Variants in GABBR2 observed in about 807,000 individuals in gnomAD.
The protein encoded by GABBR2 is gamma-aminobutyric acid type B receptor subunit 2, also known as G-protein coupled receptor 51.
GABBR2 carries 23 observed loss-of-function variants against 105.6 expected under a neutral mutation model. The observed-to-expected ratio is 0.22, with a 90% confidence interval of 0.16 to 0.31. The LOEUF is 0.31. GABBR2 is among the 10% of genes least tolerant of loss of function. The pLI is 1.00. For missense variants in GABBR2, 734 were observed against 1,245.5 expected (o/e 0.59, Z 6.18); for synonymous variants, 478 against 499.7 (o/e 0.96, Z 0.58).
At chr9:98,445,813 G>A (rs913461218) in intron 7 of GABBR2, among the ~76,000 whole-genome samples, 3 of 152,214 alleles carry the variant, frequency 2.0e-5, no homozygotes, top group African/African-American at 7.2e-5. Context: ...CAGCAGCTGG[G>A]GGATAAGCAA....
chr9:98,398,487 A>G (rs372991916), intron 8 of GABBR2, among the ~76,000 whole-genome samples: 10 of 152,054 alleles, frequency 6.6e-5, no homozygotes, highest in East Asian at 3.9e-4. Context: ...TGTAGCCCCA[A>G]ACTCCTGTTC....
intron 1 of GABBR2, among the ~76,000 whole-genome samples, chr9:98,588,781 A>G (rs1265218143): frequency 6.6e-6 from 1 of 152,150 alleles, no homozygotes; most frequent in Non-Finnish European, 1.5e-5. Context: ...GTTTTGGGCA[A>G]TGGAATATGA....
intron 4 of GABBR2, among the ~76,000 whole-genome samples, chr9:98,481,884 A>T (rs932315616): frequency 9.2e-5 from 14 of 152,232 alleles, no homozygotes; most frequent in Non-Finnish European, 1.8e-4. Context: ...TCATTCATTC[A>T]TTCAACAGAC....
At chr9:98,373,851 CTTTTTTTTTT>C (rs577915397) in intron 11 of GABBR2, among the ~76,000 whole-genome samples, 4 of 86,692 alleles carry the variant, frequency 4.6e-5, no homozygotes, top group Admixed American at 1.4e-4. Flanking sequence ...CAAAGCATTC[CTTTTTTTTTT>C]TTTTTTTTTT....
At chr9:98,373,223 C>T (rs1465031330) in intron 11 of GABBR2, among the ~76,000 whole-genome samples, 1 of 152,202 alleles carries the variant, frequency 6.6e-6, no homozygotes, top group Non-Finnish European at 1.5e-5. Context: ...TTCATTCACT[C>T]ATTCGTTTGT....
intron 12 of GABBR2, among the ~76,000 whole-genome samples, chr9:98,368,735 G>A (rs77444527): frequency 6.6e-6 from 1 of 152,188 alleles, no homozygotes. Context: ...TCCAAACCAG[G>A]ATGGAGTTGT....
At chr9:98,311,066 C>A in intron 14 of GABBR2, 29 bp downstream of exon 14, 3 of 1,272,894 alleles carry the variant, frequency 2.4e-6, no homozygotes, top group South Asian at 1.2e-5. Flanking sequence ...AGTGTCCCCC[C>A]TCAACACTGT....
chr9:98,510,411 CA>C (rs2131695084), intron 3 of GABBR2, among the ~76,000 whole-genome samples: 1 of 152,290 alleles, frequency 6.6e-6, no homozygotes, highest in Non-Finnish European at 1.5e-5. Flanking sequence ...ATCAAATTCA[CA>C]CATAACAATA....
chr9:98,347,880 C>A (rs1410521744), intron 13 of GABBR2, among the ~76,000 whole-genome samples: 1 of 152,138 alleles, frequency 6.6e-6, no homozygotes, highest in Non-Finnish European at 1.5e-5. Context: ...GGCAATTTCC[C>A]CCATACTATT....
intron 5 of GABBR2, among the ~76,000 whole-genome samples, chr9:98,474,938 T>G (rs112880390): frequency 6.6e-6 from 1 of 152,096 alleles, no homozygotes; most frequent in Non-Finnish European, 1.5e-5. Context: ...GAGCAGCTCA[T>G]TGGGGTACAT....
chr9:98,399,170 A>C (rs762841792), intron 8 of GABBR2, among the ~76,000 whole-genome samples: 2 of 152,094 alleles, frequency 1.3e-5, no homozygotes, highest in Non-Finnish European at 2.9e-5. Flanking sequence ...CCTGGCCAAC[A>C]TGGTGAAACC....
At chr9:98,595,622 T>C (rs1829224018) in intron 1 of GABBR2, among the ~76,000 whole-genome samples, 1 of 150,166 alleles carries the variant, frequency 6.7e-6, no homozygotes, top group Non-Finnish European at 1.5e-5. Context: ...TTTTGTTCTC[T>C]GCCAGGTCAG....
chr9:98,612,043 G>A (rs1257173463), intron 1 of GABBR2, among the ~76,000 whole-genome samples: 3 of 152,270 alleles, frequency 2.0e-5, no homozygotes, highest in Non-Finnish European at 4.4e-5. Context: ...CCCAGGAAGA[G>A]AGAAGGGACC....
At chr9:98,414,633 C>T (rs763769692) in intron 7 of GABBR2, among the ~76,000 whole-genome samples, 7 of 152,172 alleles carry the variant, frequency 4.6e-5, no homozygotes, top group Non-Finnish European at 1.0e-4. Context: ...TTGTGCCAGT[C>T]GCTGGCTAGC....
intron 7 of GABBR2, among the ~76,000 whole-genome samples, chr9:98,414,042 TCAAA>T (rs1322689734): frequency 6.6e-6 from 1 of 152,086 alleles, no homozygotes; most frequent in Non-Finnish European, 1.5e-5. Flanking sequence ...AGGCACCAGA[TCAAA>T]CAGTGAGCAA....
At chr9:98,333,523 C>T (rs1376755375) in intron 13 of GABBR2, among the ~76,000 whole-genome samples, 1 of 152,152 alleles carries the variant, frequency 6.6e-6, no homozygotes, top group African/African-American at 2.4e-5. Context: ...ATCATTCTGC[C>T]TCCATCTCCG....
chr9:98,426,214 G>A (rs1206306212), intron 7 of GABBR2, among the ~76,000 whole-genome samples: 1 of 152,208 alleles, frequency 6.6e-6, no homozygotes, highest in Non-Finnish European at 1.5e-5. Context: ...TAGGCAAAGA[G>A]AACATCATGT....
intron 3 of GABBR2, among the ~76,000 whole-genome samples, chr9:98,518,246 T>C (rs1217677220): frequency 6.6e-6 from 1 of 152,208 alleles, no homozygotes; most frequent in African/African-American, 2.4e-5. Context: ...TGCCTCTGCC[T>C]AAAGTACTTC....
intron 1 of GABBR2, among the ~76,000 whole-genome samples, chr9:98,614,277 A>G (rs964356476): frequency 6.6e-6 from 1 of 152,230 alleles, no homozygotes; most frequent in Non-Finnish European, 1.5e-5. Flanking sequence ...TAATCCCAGC[A>G]CTTTGGGAGG....
Sources: allele counts gnomAD v4.1 joint callset (sites outside exome capture counted in the v4.1 genomes callset), GRCh38; gene constraint gnomAD v4.1.1; transcripts MANE v1.5; gene names NCBI Gene and HGNC (gene_info 2026-07-23, HGNC 2026-07-21).